The following PDE1A variants were observed in gnomAD, a reference collection of about 807,000 sequenced individuals.
The protein encoded by PDE1A is phosphodiesterase 1A.
Under a neutral mutation model 61.7 loss-of-function variants are expected in PDE1A, and 35 were observed. The observed-to-expected ratio is 0.57, with a 90% CI of 0.43 to 0.75. PDE1A has a LOEUF of 0.75. PDE1A is among the 30% of genes least tolerant of loss of function. The probability of loss-of-function intolerance (pLI) is 0.00; values close to 1 mark genes in which losing one functional copy is unlikely to be tolerated. For synonymous variants in PDE1A, 232 were observed against 213.2 expected (o/e 1.09, Z -0.77); for missense variants, 597 against 630.6 (o/e 0.95, Z 0.57).
intron 3 of PDE1A, among the ~76,000 whole-genome samples, chr2:182,235,236 C>T (rs1324831912): frequency 3.3e-5 from 5 of 152,124 alleles, no homozygotes; most frequent in Non-Finnish European, 7.4e-5. Flanking sequence ...CTCCGCCTCC[C>T]GGGTTCAAGT....
chr2:182,236,872 ACC>A (rs1690061290), intron 3 of PDE1A, among the ~76,000 whole-genome samples: 2 of 152,178 alleles, frequency 1.3e-5, no homozygotes, highest in Non-Finnish European at 1.5e-5. Flanking sequence ...AAAGAGGATT[ACC>A]CTTCCAAAGA....
At chr2:182,683,858 G>A in the PDE1A span, among the ~76,000 whole-genome samples, 10 of 152,134 alleles carry the variant, frequency 6.6e-5, no homozygotes, top group East Asian at 3.9e-4. Context: ...GGGGGCTCAC[G>A]TCTGTAATTC....
intron 1 of PDE1A, among the ~76,000 whole-genome samples, chr2:182,308,281 A>G (rs1695733097): frequency 6.6e-6 from 1 of 152,160 alleles, no homozygotes; most frequent in Non-Finnish European, 1.5e-5. Flanking sequence ...TAATGAAATC[A>G]ATTATGTAAG....
At chr2:182,555,991 A>G in the PDE1A span, among the ~76,000 whole-genome samples, 2 of 148,384 alleles carry the variant, frequency 1.3e-5, no homozygotes, top group Non-Finnish European at 3.0e-5. Flanking sequence ...AAAAAAAAAA[A>G]AAAGAGTGGC....
chr2:182,571,097 T>C, the PDE1A span, among the ~76,000 whole-genome samples: 10,186 of 152,284 alleles, frequency 0.067, 390 homozygotes, highest in Admixed American at 0.093. Flanking sequence ...ATATGAAGAT[T>C]AGAAAGCTGA....
chr2:182,578,354 T>C, the PDE1A span, among the ~76,000 whole-genome samples: 2 of 152,216 alleles, frequency 1.3e-5, no homozygotes, highest in Non-Finnish European at 2.9e-5. Flanking sequence ...CTGAGTTTCT[T>C]ACAAATTTTA....
At chr2:182,590,196 T>C in the PDE1A span, among the ~76,000 whole-genome samples, 53 of 152,304 alleles carry the variant, frequency 3.5e-4, no homozygotes, top group African/African-American at 1.3e-3. Context: ...TTAGGCATGG[T>C]GGCTCATGCC....
At chr2:182,197,803 T>C (rs1686263507) in intron 10 of PDE1A, among the ~76,000 whole-genome samples, 1 of 151,948 alleles carries the variant, frequency 6.6e-6, no homozygotes, top group African/African-American at 2.4e-5. Context: ...CCTTGATCAC[T>C]GTAGCTTTAT....
At position 182,186,089 on chromosome 2, in the gene PDE1A, A is replaced by C. The variant is rs1369588983; in HGVS notation, c.1329-10T>G. 3.7e-6 allele frequency: 6 copies of C among 1,610,438 alleles called. No individual in the cohort carries two copies. Among genetic ancestry groups the C allele is most frequent in the Middle Eastern group, 1.7e-4 (1 of 6,026 alleles). On this transcript the variant is annotated splice_polypyrimidine_tract_variant and intron_variant, in intron 12 of 13. Coordinates refer to ENST00000351439, the Ensembl canonical transcript of PDE1A. ...CACAATGGTGGTTGAGCTAACAGTA[A>C]CAACCAAAGAAACCAAAAAACACCA... is the stretch of plus-strand genomic sequence containing the variant.
intron 1 of PDE1A, among the ~76,000 whole-genome samples, chr2:182,365,969 T>C (rs1699816783): frequency 6.6e-6 from 1 of 151,694 alleles, no homozygotes; most frequent in Non-Finnish European, 1.5e-5. Context: ...TGTTAAGAGA[T>C]GCTAAAAGGA....
chr2:182,448,649 A>G (rs910543956), intron 2 of PDE1A, among the ~76,000 whole-genome samples: 4 of 152,098 alleles, frequency 2.6e-5, no homozygotes, highest in African/African-American at 9.6e-5. Flanking sequence ...ATGACTGTGC[A>G]TGCCAGCCAA....
intron 1 of PDE1A, among the ~76,000 whole-genome samples, chr2:182,372,141 T>C (rs546415914): frequency 2.0e-5 from 3 of 152,202 alleles, no homozygotes; most frequent in Non-Finnish European, 4.4e-5. Context: ...CAAATGTGCA[T>C]ATCTTGACTT....
chr2:182,260,819 T>G (rs1175027271), intron 2 of PDE1A, among the ~76,000 whole-genome samples: 1 of 152,124 alleles, frequency 6.6e-6, no homozygotes, highest in Non-Finnish European at 1.5e-5. Flanking sequence ...GTCTCTGAAG[T>G]CACCTTTTCA....
chr2:182,164,890 A>G (rs1246965010), downstream of PDE1A, among the ~76,000 whole-genome samples: 1 of 152,122 alleles, frequency 6.6e-6, no homozygotes, highest in Admixed American at 6.6e-5. Context: ...CTGTAAACTT[A>G]TGTAATGACT....
chr2:182,474,641 T>C (rs1164671441), intron 2 of PDE1A, among the ~76,000 whole-genome samples: 1 of 151,940 alleles, frequency 6.6e-6, no homozygotes, highest in Non-Finnish European at 1.5e-5. Context: ...GTCCTCTTGA[T>C]GATATATACA....
intron 2 of PDE1A, among the ~76,000 whole-genome samples, chr2:182,479,588 T>C (rs1687581686): frequency 6.6e-6 from 1 of 151,580 alleles, no homozygotes; most frequent in Admixed American, 6.6e-5. Flanking sequence ...CTGATTTTGA[T>C]CTAGTCCTAA....
exon 14 of PDE1A, chr2:182,168,049 G>C (rs546936989): frequency 1.1e-5 from 14 of 1,273,838 alleles, no homozygotes; most frequent in African/African-American, 4.6e-5. Flanking sequence ...GAATCTGTTC[G>C]GTAGCAGTTG....
upstream of PDE1A, among the ~76,000 whole-genome samples, chr2:182,526,935 A>G (rs142656256): frequency 1.5e-3 from 230 of 152,120 alleles, 3 homozygotes; most frequent in East Asian, 0.014. Flanking sequence ...TTTTCTCATT[A>G]GTTACTTTTT....
intron 1 of PDE1A, among the ~76,000 whole-genome samples, chr2:182,359,276 A>C (rs2125153561): frequency 6.6e-6 from 1 of 152,322 alleles, no homozygotes; most frequent in South Asian, 2.1e-4. Context: ...ACACTCTTTC[A>C]GAGCACACTA....
Sources: allele counts gnomAD v4.1 joint callset (sites outside exome capture counted in the v4.1 genomes callset), GRCh38; gene constraint gnomAD v4.1.1; transcripts MANE v1.5; gene names NCBI Gene and HGNC (gene_info 2026-07-23, HGNC 2026-07-21).